The following GFM2 variants were observed in gnomAD, a reference collection of about 807,000 sequenced individuals.
GFM2 encodes GTP dependent ribosome recycling factor mitochondrial 2, also known as ribosome-releasing factor 2, mitochondrial.
In GFM2, 72 loss-of-function variants were observed where a neutral mutation model predicts 95.4. The observed-to-expected ratio is 0.76, with a 90% CI of 0.62 to 0.92. GFM2 has a LOEUF of 0.92. GFM2 is among the 40% of genes least tolerant of loss of function. The pLI is 0.00. For missense variants in GFM2, 825 were observed against 924.1 expected, an observed-to-expected ratio of 0.89 and a Z score of 1.39; for synonymous variants, 276 against 317.5, an observed-to-expected ratio of 0.87 and a Z score of 1.39.
chr5:74,741,401 C>G, intron 11 of GFM2, 128 bp downstream of exon 11: 2 of 603,688 alleles, frequency 3.3e-6, no homozygotes, highest in Non-Finnish European at 5.9e-6. Context: ...GTTCTCCTAA[C>G]TTTAAACTTA....
chr5:74,765,141 C>T (rs755340938), intron 1 of GFM2: 5 of 1,181,398 alleles, frequency 4.2e-6, no homozygotes, highest in East Asian at 1.3e-4. Flanking sequence ...CATAGTCTCT[C>T]CACAGTTGTG....
At position 74,721,503 on chromosome 5, in the gene GFM2, C is replaced by T; in HGVS notation, c.*152G>A. On this transcript the variant is annotated 3_prime_UTR_variant, in exon 21 of 21. Coordinates refer to ENST00000296805, the MANE Select transcript of GFM2 (RefSeq NM_032380.5). ...AAATTAAAACGGGTGGCTCCAGTGC[C>T]ACTATCAAAGCTTAAGTTATATCTT... 1 of 885,262 alleles carries T rather than the reference C, an allele frequency of 1.1e-6. No homozygotes were observed. The highest frequency in any genetic ancestry group is 2.4e-5 in the East Asian group (1 of 41,222). The allele number at this position is 885,262 out of a possible 1,614,324, so 54.8% of individuals were successfully genotyped here. A position where few individuals can be genotyped will look rare whatever the true frequency, so the allele number is the denominator to read the frequency against.
intron 7 of GFM2, among the ~76,000 whole-genome samples, chr5:74,750,126 T>C (rs1743619966): frequency 6.6e-6 from 1 of 152,212 alleles, no homozygotes; most frequent in African/African-American, 2.4e-5. Flanking sequence ...CAACTTCCTA[T>C]TCAAGCACAT....
chr5:74,736,988 G>T lies in GFM2; in HGVS notation c.1321-3C>A. 6.2e-7 allele frequency: 1 copy of T among 1,612,736 alleles called. No homozygotes were observed. Among genetic ancestry groups the T allele is most frequent in the Non-Finnish European group, 8.5e-7 (1 of 1,179,456 alleles). On this transcript the variant is annotated splice_polypyrimidine_tract_variant and splice_region_variant and intron_variant, in intron 14 of 20. Transcript: ENST00000296805. ...ACAATGGTGTCTCCAGTGGCAGTCTGCAAGCAAACAAGATGACTTGGAACG... is the reference window on the plus strand; with the variant it reads ...ACAATGGTGTCTCCAGTGGCAGTCTTCAAGCAAACAAGATGACTTGGAACG...
Position 74,721,257 on chromosome 5 carries a change from G to C in GFM2, c.*398C>G, listed in dbSNP as rs201485365. ...ATCATGTAAAATAAGATATTAGACT[G>C]TTTTTTGAATAAAATATTTTTATTG... On this transcript the variant is annotated 3_prime_UTR_variant, in exon 21 of 21. Coordinates refer to ENST00000296805, the MANE Select transcript of GFM2 (RefSeq NM_032380.5). 1.2e-6 allele frequency: 1 copy of C among 868,906 alleles called. No homozygotes were observed. Among genetic ancestry groups the C allele is most frequent in the Non-Finnish European group, 1.8e-6 (1 of 562,228 alleles). 53.8% of individuals were successfully genotyped at this position (868,906 alleles called of 1,614,324 possible). A position where few individuals can be genotyped will look rare whatever the true frequency, so the allele number is the denominator to read the frequency against.
Position 74,725,762 on chromosome 5 carries a change from A to G in GFM2, c.1913-7T>C. 1 of 1,598,306 alleles carries G rather than the reference A, an allele frequency of 6.3e-7. No individual in the cohort carries two copies. ...GGGGATCCAAGCAATGGTCCTAGAC[A>G]AGGGAAAAAAATTGTATCATACTCT... On this transcript the variant is annotated splice_polypyrimidine_tract_variant and splice_region_variant and intron_variant, in intron 18 of 20. Coordinates refer to ENST00000296805, the MANE Select transcript of GFM2 (RefSeq NM_032380.5).
chr5:74,755,821 T>C (rs987620743), intron 5 of GFM2, among the ~76,000 whole-genome samples: 4 of 152,088 alleles, frequency 2.6e-5, no homozygotes, highest in African/African-American at 9.7e-5. Context: ...ATTGATGCTA[T>C]TCTACAGATA....
At chr5:74,750,868 T>C (rs181523241) in intron 6 of GFM2, among the ~76,000 whole-genome samples, 1 of 152,180 alleles carries the variant, frequency 6.6e-6, no homozygotes, top group East Asian at 1.9e-4. Flanking sequence ...AAAACCCAAA[T>C]GTCCACTGAT....
chr5:74,749,501 C>T (rs554194807), intron 7 of GFM2, among the ~76,000 whole-genome samples: 1 of 152,254 alleles, frequency 6.6e-6, no homozygotes, highest in East Asian at 1.9e-4. Flanking sequence ...ACTATTCATT[C>T]ACATGTGTTC....
intron 15 of GFM2, 122 bp downstream of exon 15, chr5:74,736,674 T>C: frequency 1.3e-6 from 2 of 1,497,622 alleles, no homozygotes; most frequent in South Asian, 2.8e-5. Flanking sequence ...CAAGAAATGT[T>C]TACCAATATA....
At position 74,751,395 on chromosome 5, in the gene GFM2, A is replaced by G. The variant is rs757551165; in HGVS notation, c.403T>C (p.Tyr135His). The change falls in exon 6 of 21, where the codon TAT (tyrosine) becomes CAT (histidine). Residue 135 changes from tyrosine to histidine, a missense_variant. Transcript: ENST00000296805. ...SAAVTFDWKG[Y>H]RVNLIDTPGH... ...GGTGTATCAATTAGATTGACTCTAT[A>G]ACCTTTCCAATCAAATGTAACAGCA... 2 of 1,613,026 alleles carry G rather than the reference A, an allele frequency of 1.2e-6. No homozygotes were observed. The highest frequency in any genetic ancestry group is 3.3e-5 in the Admixed American group (2 of 60,024).
chr5:74,729,913 TTTTACTTTATAGAGTAAAAATAACACA>T (rs1742467615), intron 17 of GFM2, among the ~76,000 whole-genome samples: 2 of 152,242 alleles, frequency 1.3e-5, no homozygotes, highest in African/African-American at 4.8e-5. Context: ...GACTTTCTAC[TTTTACTTTATAGAGTAAAAATAACACA>T]TTGACTTCAA....
At chr5:74,722,118 T>C (rs1749919510) in intron 20 of GFM2, among the ~76,000 whole-genome samples, 1 of 152,142 alleles carries the variant, frequency 6.6e-6, no homozygotes, top group African/African-American at 2.4e-5. Flanking sequence ...AGATAAATGC[T>C]TGGCAGGGAA....
intron 10 of GFM2, among the ~76,000 whole-genome samples, chr5:74,743,489 T>C (rs936698175): frequency 6.6e-6 from 1 of 152,188 alleles, no homozygotes; most frequent in African/African-American, 2.4e-5. Flanking sequence ...CATACTTATG[T>C]ATTTCTTATA....
At chr5:74,756,565 C>G (rs1431268226) in intron 5 of GFM2, among the ~76,000 whole-genome samples, 2 of 152,040 alleles carry the variant, frequency 1.3e-5, no homozygotes, top group Non-Finnish European at 2.9e-5. Context: ...ATTGCTGGAT[C>G]AAATGGTAGT....
Position 74,738,489 on chromosome 5 carries a change from A to C in GFM2, c.1220+13T>G, listed in dbSNP as rs772506292. 1 of 1,611,196 alleles carries C rather than the reference A, an allele frequency of 6.2e-7. No homozygotes were observed. The highest frequency in any genetic ancestry group is 1.3e-5 in the African/African-American group (1 of 74,754). ...GCATACAGTTTTATAAAATAATCTAAGCTTCTACTTACGTGCAGTTTCCAT... is the reference window on the plus strand; with the variant it reads ...GCATACAGTTTTATAAAATAATCTACGCTTCTACTTACGTGCAGTTTCCAT... On this transcript the variant is annotated intron_variant, in intron 13 of 20. Coordinates refer to ENST00000296805, the MANE Select transcript of GFM2 (RefSeq NM_032380.5).
chr5:74,759,033 C>T, intron 4 of GFM2, 87 bp from the exon 5 acceptor site: 1 of 779,812 alleles, frequency 1.3e-6, no homozygotes, highest in Admixed American at 2.2e-5. Context: ...GCTGGTATTT[C>T]TATAATTTAT....
intron 17 of GFM2, among the ~76,000 whole-genome samples, chr5:74,726,414 T>C (rs1750151679): frequency 6.6e-6 from 1 of 152,142 alleles, no homozygotes; most frequent in Non-Finnish European, 1.5e-5. Flanking sequence ...TTTAAACTTT[T>C]CAAAATGTCT....
chr5:74,758,548 G>A (rs1744112929), intron 5 of GFM2, among the ~76,000 whole-genome samples: 1 of 152,150 alleles, frequency 6.6e-6, no homozygotes, highest in Non-Finnish European at 1.5e-5. Context: ...ACTGCTATAA[G>A]GACTCTACTA....
Sources: allele counts gnomAD v4.1 joint callset (sites outside exome capture counted in the v4.1 genomes callset), GRCh38; gene constraint gnomAD v4.1.1; transcripts MANE v1.5; gene names NCBI Gene and HGNC (gene_info 2026-07-23, HGNC 2026-07-21).